The following ANO1 variants were observed in gnomAD, a reference collection of about 807,000 sequenced individuals.
ANO1 encodes anoctamin 1, also known as anoctamin-1.
Under a neutral mutation model 124.0 loss-of-function variants are expected in ANO1, and 59 were observed. The ratio of observed to expected loss-of-function variants is 0.48; its 90% CI spans 0.39 to 0.59. The LOEUF (loss-of-function observed/expected upper bound fraction) is 0.59. ANO1 is among the 20% of genes least tolerant of loss of function. The pLI is 0.00. For synonymous variants in ANO1, 529 were observed against 532.0 expected (o/e 0.99, Z 0.08); for missense variants, 1,059 against 1,328.0 (o/e 0.80, Z 3.15).
Position 70,132,080 on chromosome 11 carries a change from G to T in ANO1, c.1258+1G>T. ...TTCTCTGTCTTCATGGCCCTCTGGG[G>T]TAAGCAGGGCTCCAGAGCACTGGGT... On this transcript the variant is annotated splice_donor_variant, in intron 11 of 25. Transcript: ENST00000355303. LOFTEE classifies it high-confidence loss of function. The T allele has an allele frequency of 6.3e-7, 1 of 1,586,548 alleles. No homozygotes were observed.
At chr11:70,067,323 GT>G (rs71046572) in intron 1 of ANO1, among the ~76,000 whole-genome samples, 58,706 of 125,888 alleles carry the variant, frequency 0.47, 13,091 homozygotes, top group East Asian at 0.53. Flanking sequence ...AATCGTGGGT[GT>G]TTTTTTTTTT....
chr11:70,182,129 A>G (rs575832692), intron 23 of ANO1, among the ~76,000 whole-genome samples: 2 of 152,110 alleles, frequency 1.3e-5, no homozygotes, highest in Non-Finnish European at 2.9e-5. Context: ...CCAGAGGCAC[A>G]GTGCATACAT....
At chr11:69,969,524 G>A in the ANO1 span, among the ~76,000 whole-genome samples, 61 of 152,312 alleles carry the variant, frequency 4.0e-4, 2 homozygotes, top group Admixed American at 2.3e-3. Context: ...TACTGCCCCC[G>A]TCTCTCTTTA....
At chr11:70,021,821 A>G (rs4980581) in intron 1 of ANO1, among the ~76,000 whole-genome samples, 117,266 of 152,174 alleles carry the variant, frequency 0.77, 45,518 homozygotes, top group East Asian at 0.94. Context: ...GAGCCCCTTC[A>G]CATCCCACTG....
chr11:70,149,440 C>A (rs1023163069), intron 11 of ANO1: 3 of 409,458 alleles, frequency 7.3e-6, no homozygotes, highest in African/African-American at 4.1e-5. Flanking sequence ...CACCTGAGGT[C>A]AGGAGTTCGA....
chr11:70,024,027 T>C (rs1183293279), intron 1 of ANO1, among the ~76,000 whole-genome samples: 1 of 152,212 alleles, frequency 6.6e-6, no homozygotes, highest in Non-Finnish European at 1.5e-5. Context: ...GGGGGTCTAA[T>C]GTTTCCAAAT....
chr11:70,149,425 T>C (rs1590861152), intron 11 of ANO1: 1 of 389,144 alleles, frequency 2.6e-6, no homozygotes. Context: ...CCAAGGCAGG[T>C]GGATCACCTG....
At chr11:70,019,235 GA>G (rs5792506) in intron 1 of ANO1, among the ~76,000 whole-genome samples, 62,948 of 119,932 alleles carry the variant, frequency 0.52, 17,443 homozygotes, top group East Asian at 0.65. Context: ...AGGGAAAGAA[GA>G]ACCCCCCCAC....
At chr11:69,977,214 C>T in the ANO1 span, among the ~76,000 whole-genome samples, 1 of 152,182 alleles carries the variant, frequency 6.6e-6, no homozygotes, top group Non-Finnish European at 1.5e-5. Context: ...CCCTGGCTTG[C>T]GTGACCCTAG....
rs188043166 is a variant in ANO1, at chr11:70,174,463, G to T, written c.2350+3424G>T. On this transcript the variant is annotated intron_variant, in intron 22 of 25. Coordinates refer to ENST00000355303, the MANE Select transcript of ANO1 (RefSeq NM_018043.7). The stretch of plus-strand genomic sequence containing the variant: ...TGAGAAAGAGGCTGTCGAAAAACAG[G>T]CCACCATGGCCGTCTTTGCACACCC... Among the ~76,000 whole-genome samples, 463 of 152,206 alleles carry T rather than the reference G, an allele frequency of 3.0e-3. 3 individuals are homozygous for T. The highest frequency in any genetic ancestry group is 5.2e-3 in the South Asian group (25 of 4,824).
At chr11:70,037,890 C>T (rs1857120523) in intron 1 of ANO1, among the ~76,000 whole-genome samples, 2 of 152,168 alleles carry the variant, frequency 1.3e-5, no homozygotes, top group African/African-American at 2.4e-5. Flanking sequence ...TCTATGGTCA[C>T]TCATCTTATT....
At chr11:69,985,803 C>G (rs182663736), upstream of ANO1, 1 of 152,202 alleles carries the variant, frequency 6.6e-6, no homozygotes, top group Non-Finnish European at 1.5e-5. Context: ...GTCCGGGGAG[C>G]GCGGGGCGGG....
the ANO1 span, among the ~76,000 whole-genome samples, chr11:69,974,657 A>C: frequency 6.6e-6 from 1 of 152,180 alleles, no homozygotes; most frequent in Admixed American, 6.5e-5. Context: ...GTACCTCCCC[A>C]CATTGTCTCT....
At chr11:70,181,335 G>A (rs1364430460) in intron 23 of ANO1, among the ~76,000 whole-genome samples, 2 of 152,088 alleles carry the variant, frequency 1.3e-5, no homozygotes. Context: ...GGCAGGGGGT[G>A]ACACTCAGCC....
intron 1 of ANO1, among the ~76,000 whole-genome samples, chr11:69,999,031 CAAAAA>C (rs141040946): frequency 7.8e-6 from 1 of 128,182 alleles, no homozygotes. Context: ...GAGACTGTCT[CAAAAA>C]AAAAAAAAAA....
At chr11:70,170,321 A>G (rs1340824984) in intron 21 of ANO1, among the ~76,000 whole-genome samples, 2 of 152,212 alleles carry the variant, frequency 1.3e-5, no homozygotes, top group Non-Finnish European at 2.9e-5. Context: ...AAAATTTGAC[A>G]TGGGCTGGCG....
intron 8 of ANO1, 49 bp downstream of exon 8, chr11:70,116,548 C>G: frequency 6.5e-7 from 1 of 1,549,010 alleles, no homozygotes; most frequent in East Asian, 2.4e-5. Context: ...AGCCTGGAGG[C>G]GTTCTGGGGC....
At chr11:70,048,175 T>C (rs760212977) in intron 1 of ANO1, among the ~76,000 whole-genome samples, 2 of 152,238 alleles carry the variant, frequency 1.3e-5, no homozygotes, top group Non-Finnish European at 2.9e-5. Flanking sequence ...ATTTCAACTG[T>C]TTAACTTTGC....
At chr11:70,088,760 G>T (rs574639535) in intron 2 of ANO1, among the ~76,000 whole-genome samples, 1 of 152,228 alleles carries the variant, frequency 6.6e-6, no homozygotes, top group Non-Finnish European at 1.5e-5. Context: ...GCTCTCCTGG[G>T]AGTCTTCCTG....
Sources: allele counts gnomAD v4.1 joint callset (sites outside exome capture counted in the v4.1 genomes callset), GRCh38; gene constraint gnomAD v4.1.1; transcripts MANE v1.5; gene names NCBI Gene and HGNC (gene_info 2026-07-23, HGNC 2026-07-21).